Variants in INCENP observed in about 807,000 individuals in gnomAD.
INCENP encodes the protein binds and activates aurora-B and -C in vivo and in vitro.
Under a neutral mutation model 107.3 loss-of-function variants are expected in INCENP, and 43 were observed. That is an observed-to-expected ratio of 0.40 (90% CI 0.31 to 0.52). The LOEUF is 0.52. Ranked by LOEUF, INCENP falls within the 20% of genes least tolerant of loss-of-function variation. INCENP has a pLI of 0.53. For missense variants in INCENP, 1,089 were observed against 1,250.9 expected (o/e 0.87, Z 1.95); for synonymous variants, 488 against 494.4 (o/e 0.99, Z 0.17).
In INCENP at chr11:62,145,110, T is replaced by C; in HGVS notation, c.1715+19T>C. 6.2e-7 allele frequency: 1 copy of C among 1,613,974 alleles called. No homozygotes were observed. Among genetic ancestry groups the C allele is most frequent in the African/African-American group, 1.3e-5 (1 of 75,066 alleles). On this transcript the variant is annotated intron_variant, in intron 12 of 18. Coordinates refer to ENST00000394818, the MANE Select transcript of INCENP (RefSeq NM_001040694.2). ...TGAAGCTGTAAGTGGCCTGGCTTCC[T>C]GGACTGTGGCCCATCCCAGCCTTGG...
intron 18 of INCENP, 127 bp from the exon 19 acceptor site, chr11:62,151,635 G>T: frequency 1.4e-6 from 1 of 718,800 alleles, no homozygotes; most frequent in South Asian, 1.7e-5. Context: ...GGCAGGGGCA[G>T]GGCTGAAGAG....
chr11:62,141,382 G>T lies in INCENP; in HGVS notation c.1594-118G>T. The T allele has an allele frequency of 2.3e-6, 3 of 1,327,526 alleles. No homozygotes were observed. The African/African-American group carries it at 4.3e-5, about 19-fold the overall frequency. The allele number at this position is 1,327,526 out of a possible 1,614,324, so 82.2% of individuals were successfully genotyped here. The stretch of plus-strand genomic sequence containing the variant: ...TGACAGGAGAGGCGGTGGGGGTGCT[G>T]CTGGCAGGAGGGCAGGCCCCACGCA... On this transcript the variant is annotated intron_variant, in intron 10 of 18. Coordinates refer to ENST00000394818, the MANE Select transcript of INCENP (RefSeq NM_001040694.2).
chr11:62,134,514 T>A (rs901436085), intron 4 of INCENP, among the ~76,000 whole-genome samples: 3 of 152,034 alleles, frequency 2.0e-5, no homozygotes, highest in Non-Finnish European at 4.4e-5. Context: ...TATTTTTATA[T>A]GAATATTTAG....
Position 62,146,528 on chromosome 11 carries a change from G to A in INCENP, c.1960-130G>A, listed in dbSNP as rs185579030. ...CAGAGCCTTGCTCGGGATGTCCCAC[G>A]GCGCCATTCCTGGGTTGTCCGTGGT... On this transcript the variant is annotated intron_variant, in intron 14 of 18. Coordinates refer to ENST00000394818, the MANE Select transcript of INCENP (RefSeq NM_001040694.2). The A allele has an allele frequency of 3.7e-4, 509 of 1,372,508 alleles. 3 individuals are homozygous for A. In the African/African-American group the frequency reaches 6.3e-3, roughly 17 times the overall value. The allele number at this position is 1,372,508 out of a possible 1,614,324, so 85.0% of individuals were successfully genotyped here. A position where few individuals can be genotyped will look rare whatever the true frequency, so the allele number is the denominator to read the frequency against.
At chr11:62,148,903 T>G in intron 17 of INCENP, 57 bp downstream of exon 17, 10 of 1,117,424 alleles carry the variant, frequency 8.9e-6, no homozygotes, top group South Asian at 1.5e-5. Flanking sequence ...CTCTATTCTC[T>G]TCCCAGTAGC....
intron 18 of INCENP, 113 bp from the exon 19 acceptor site, chr11:62,151,649 G>A: frequency 1.2e-6 from 1 of 825,678 alleles, no homozygotes; most frequent in Non-Finnish European, 2.0e-6. Flanking sequence ...TGAAGAGGGT[G>A]ACAGAGCTCT....
intron 4 of INCENP, among the ~76,000 whole-genome samples, chr11:62,136,959 A>G (rs929533829): frequency 4.6e-5 from 7 of 152,204 alleles, no homozygotes; most frequent in Non-Finnish European, 8.8e-5. Context: ...AGGACGTCCA[A>G]GGGTCAGAGG....
chr11:62,145,504 C>T (rs558009628), intron 13 of INCENP, 125 bp from the exon 14 acceptor site: 1 of 1,361,342 alleles, frequency 7.3e-7, no homozygotes, highest in East Asian at 2.5e-5. Flanking sequence ...GGTGTCCTCT[C>T]CCTGGGTGGT....
Position 62,150,033 on chromosome 11 carries a change from T to C in INCENP, c.2392-24T>C, listed in dbSNP as rs774478358. ...GAGATGGGAATGCCATGGAGGGAAC[T>C]GACGGCCACGTTTGTTTTTGCAGTC... On this transcript the variant is annotated intron_variant, in intron 17 of 18. Transcript: ENST00000394818. The C allele has an allele frequency of 2.5e-6, 4 of 1,611,672 alleles. No homozygotes were observed. In the South Asian group the frequency reaches 4.4e-5, roughly 18 times the overall value.
At chr11:62,146,285 GGCCCTGCTGTGTGTTGT>G (rs1944240970) in intron 14 of INCENP, among the ~76,000 whole-genome samples, 3 of 152,206 alleles carry the variant, frequency 2.0e-5, no homozygotes, top group Admixed American at 1.3e-4. Context: ...CTGTGTGCTA[GGCCCTGCTGTGTGTTGT>G]GCGTATCAAC....
At chr11:62,144,205 G>A (rs1385266245) in intron 11 of INCENP, among the ~76,000 whole-genome samples, 1 of 152,072 alleles carries the variant, frequency 6.6e-6, no homozygotes, top group Non-Finnish European at 1.5e-5. Flanking sequence ...GGTGGCACAT[G>A]CCTGTAGCTC....
chr11:62,152,227 G>A lies in INCENP; in HGVS notation c.*251G>A, dbSNP rs567173232. The A allele has an allele frequency of 3.2e-5, 18 of 557,000 alleles. No homozygotes were observed. In the South Asian group the frequency reaches 4.2e-4, roughly 13 times the overall value. The allele number at this position is 557,000 out of a possible 1,614,324, so 34.5% of individuals were successfully genotyped here. On this transcript the variant is annotated 3_prime_UTR_variant, in exon 19 of 19. Coordinates refer to ENST00000394818, the MANE Select transcript of INCENP (RefSeq NM_001040694.2). ...CCCAGCCCCACATGGCCTGCAGACA[G>A]TGCTCTGTAAATAGTTGTTTTAATT...
In INCENP at chr11:62,141,038, C is replaced by A; in HGVS notation, c.1587C>A (p.Asp529Glu). Residue 529 changes from aspartate to glutamate, a missense_variant, in exon 10 of 19, where the codon GAC becomes GAA. By Grantham distance (45) the Asp-to-Glu change is conservative. Coordinates refer to ENST00000394818, the MANE Select transcript of INCENP (RefSeq NM_001040694.2). ...FIKRNTPLRM[D>E]PKCSFVEKER... Reference sequence around the variant, plus strand: ...AGCGCAACACTCCCCTGCGCATGGACCCCAAGGTGAGGGGCCTGTGCCCAG... The same window carrying A: ...AGCGCAACACTCCCCTGCGCATGGAACCCAAGGTGAGGGGCCTGTGCCCAG... 1.2e-6 allele frequency: 2 copies of A among 1,613,316 alleles called. No individual in the cohort carries two copies. The highest frequency in any genetic ancestry group is 1.7e-6 in the Non-Finnish European group (2 of 1,179,674).
At position 62,145,017 on chromosome 11, in the gene INCENP, G is replaced by A. The variant is rs1193257547; in HGVS notation, c.1641G>A (p.Arg547=). The change falls in exon 12 of 19, where the codon CGG becomes CGA. Residue 547 remains arginine (R), a synonymous_variant. Transcript: ENST00000394818. ...KERQRLENLR[R]KEEAEQLRRQ... is the part of the protein sequence containing the mutation. ...GGCAGCGCCTGGAGAATCTGCGGCGGAAGGAGGAGGCCGAGCAGCTGCGCA... is the reference window on the plus strand; with the variant it reads ...GGCAGCGCCTGGAGAATCTGCGGCGAAAGGAGGAGGCCGAGCAGCTGCGCA... The A allele has an allele frequency of 6.2e-7, 1 of 1,606,640 alleles. No individual in the cohort carries two copies. Among genetic ancestry groups the A allele is most frequent in the East Asian group, 2.2e-5 (1 of 44,858 alleles).
intron 16 of INCENP, 70 bp from the exon 17 acceptor site, chr11:62,148,669 G>A (rs1424337501): frequency 2.8e-5 from 39 of 1,413,428 alleles, no homozygotes; most frequent in East Asian, 9.4e-5. Context: ...AGAATGGAGC[G>A]GAGGGAAGGG....
At chr11:62,133,646 T>C (rs1438193441) in intron 4 of INCENP, among the ~76,000 whole-genome samples, 1 of 152,204 alleles carries the variant, frequency 6.6e-6, no homozygotes, top group Non-Finnish European at 1.5e-5. Context: ...CAGAGAATGC[T>C]TGTGCTGGTG....
rs1318005206 is a variant in INCENP at position 62,128,831 on chromosome 11, AAG to A, written c.206_207del (p.Arg69ThrfsTer8). 6.2e-7 allele frequency: 1 copy of A among 1,614,066 alleles called. No individual in the cohort carries two copies. Among genetic ancestry groups the A allele is most frequent in the African/African-American group, 1.3e-5 (1 of 74,944 alleles). On this transcript the variant is annotated frameshift_variant, in exon 3 of 19. Transcript: ENST00000394818. LOFTEE classifies it high-confidence loss of function. Reference sequence around the variant, plus strand: ...ACCTTCTCAGAAGAACCGACGGAAGAAGAGACGGATTTCTTATGTTCAGGATG... The same window carrying A: ...ACCTTCTCAGAAGAACCGACGGAAGAAGACGGATTTCTTATGTTCAGGATG... ...KTPSQKNRRK[K>X]RRISYVQDEN...
intron 10 of INCENP, 86 bp from the exon 11 acceptor site, chr11:62,141,414 C>T (rs1398302210): frequency 6.4e-7 from 1 of 1,571,282 alleles, no homozygotes; most frequent in Non-Finnish European, 8.8e-7. Context: ...CGCAGGCTTG[C>T]TGGCACAGCT....
chr11:62,147,691 G>A (rs1412472579), intron 15 of INCENP, among the ~76,000 whole-genome samples: 1 of 152,174 alleles, frequency 6.6e-6, no homozygotes, highest in East Asian at 1.9e-4. Context: ...CTTCGTGGGT[G>A]GCTTCAGGTT....
Sources: gnomAD v4.1 joint callset for allele counts (sites outside exome capture counted in the v4.1 genomes callset) on GRCh38, gnomAD v4.1.1 for gene constraint, MANE v1.5 for transcripts, NCBI Gene and HGNC (gene_info 2026-07-23, HGNC 2026-07-21) for gene names.